Variants in ACTN1 observed in about 807,000 individuals in gnomAD.
ACTN1 encodes actinin alpha 1, also known as alpha-actinin-1.
A neutral mutation model predicts 119.6 loss-of-function variants in ACTN1; 30 were observed. The ratio of observed to expected loss-of-function variants is 0.25; its 90% confidence interval spans 0.19 to 0.34. The LOEUF is 0.34. Among genes scored for constraint, ACTN1 ranks in the 10% least tolerant of loss-of-function variants. ACTN1 has a pLI of 1.00. For missense variants in ACTN1, 764 were observed against 1,223.4 expected (o/e 0.62, Z 5.60); for synonymous variants, 429 against 472.6 (o/e 0.91, Z 1.20).
chr14:68,901,818 G>A lies in ACTN1; in HGVS notation c.762+659C>T, dbSNP rs190842019. Among the ~76,000 whole-genome samples the A allele has an allele frequency of 1.2e-3, 181 of 152,362 alleles. 1 individual carries two copies. The highest frequency in any genetic ancestry group is 1.7e-3 in the Non-Finnish European group (116 of 68,034). The stretch of plus-strand genomic sequence containing the variant: ...GAACTTTAATCTCAGGCCTCCCGGA[G>A]CAAAACTGGGCCAGGACACTTGACG... On this transcript the variant is annotated intron_variant, in intron 8 of 21. Coordinates refer to ENST00000394419, the MANE Select transcript of ACTN1 (RefSeq NM_001130004.2).
At chr14:68,972,265 G>A (rs2036913703) in intron 1 of ACTN1, among the ~76,000 whole-genome samples, 1 of 152,044 alleles carries the variant, frequency 6.6e-6, no homozygotes, top group Non-Finnish European at 1.5e-5. Context: ...TTCTACAAAA[G>A]CTCCCGCCCT....
chr14:68,945,184 A>C (rs2035902896), intron 1 of ACTN1, among the ~76,000 whole-genome samples: 1 of 151,704 alleles, frequency 6.6e-6, no homozygotes. Context: ...AAAAGAAAGA[A>C]AGAAAGAAAG....
At chr14:68,950,680 G>A (rs1196548096) in intron 1 of ACTN1, among the ~76,000 whole-genome samples, 1 of 151,264 alleles carries the variant, frequency 6.6e-6, no homozygotes, top group African/African-American at 2.4e-5. Flanking sequence ...TCCTGCCTCA[G>A]CCTCCCAAGT....
chr14:68,904,499 T>G (rs973259728), intron 7 of ACTN1, among the ~76,000 whole-genome samples, 156 bp downstream of exon 7: 1 of 152,144 alleles, frequency 6.6e-6, no homozygotes, highest in African/African-American at 2.4e-5. Context: ...GATGGAAGAA[T>G]CCCCAAGAGG....
chr14:68,929,470 C>T (rs981748945), intron 1 of ACTN1, among the ~76,000 whole-genome samples: 1 of 152,122 alleles, frequency 6.6e-6, no homozygotes, highest in African/African-American at 2.4e-5. Context: ...CTGCTCAGCC[C>T]GATGAAGCCC....
chr14:68,897,944 C>T (rs966869512), intron 8 of ACTN1, among the ~76,000 whole-genome samples: 2 of 152,272 alleles, frequency 1.3e-5, no homozygotes, highest in African/African-American at 4.8e-5. Context: ...CTGTGGTCAC[C>T]TCCCTCCACA....
At chr14:68,932,748 T>C (rs766791191) in intron 1 of ACTN1, among the ~76,000 whole-genome samples, 1 of 152,020 alleles carries the variant, frequency 6.6e-6, no homozygotes, top group African/African-American at 2.4e-5. Flanking sequence ...GTACTACTGA[T>C]ATTTGGGGTC....
At chr14:68,903,047 A>G (rs1480729025) in intron 7 of ACTN1, among the ~76,000 whole-genome samples, 1 of 152,192 alleles carries the variant, frequency 6.6e-6, no homozygotes, top group Non-Finnish European at 1.5e-5. Flanking sequence ...GACTAAGAAA[A>G]TAACTCTATT....
chr14:68,910,637 A>G (rs2033950597), intron 4 of ACTN1, among the ~76,000 whole-genome samples: 1 of 151,360 alleles, frequency 6.6e-6, no homozygotes, highest in African/African-American at 2.4e-5. Flanking sequence ...CACAGAAGAA[A>G]GACTGCAAAC....
At chr14:68,924,108 A>G (rs2034790479) in intron 2 of ACTN1, among the ~76,000 whole-genome samples, 2 of 152,134 alleles carry the variant, frequency 1.3e-5, no homozygotes, top group African/African-American at 4.8e-5. Context: ...TTGCCAGGGG[A>G]GGGCCGGGGG....
intron 1 of ACTN1, among the ~76,000 whole-genome samples, chr14:68,952,318 C>T (rs986904865): frequency 1.8e-4 from 27 of 152,198 alleles, no homozygotes; most frequent in African/African-American, 5.8e-4. Flanking sequence ...ATGACCCACC[C>T]GGGACCCTGC....
rs1196455060 is a variant in ACTN1 at position 68,950,277 on chromosome 14, A to G, written c.106-24605T>C. On this transcript the variant is annotated intron_variant, in intron 1 of 21. Coordinates refer to ENST00000394419, the MANE Select transcript of ACTN1 (RefSeq NM_001130004.2). ...CCACTGTACTCCCAGTCTGGGTGAC[A>G]GAGTGAGTTGTTGTCTCAAAAAAAA... Among the ~76,000 whole-genome samples the G allele has an allele frequency of 2.3e-5, 3 of 129,838 alleles. No homozygotes were observed. In the Admixed American group the frequency reaches 2.4e-4, roughly 10 times the overall value. 85.2% of individuals were successfully genotyped at this position (129,838 alleles called of 152,430 possible). A position where few individuals can be genotyped will look rare whatever the true frequency, so the allele number is the denominator to read the frequency against.
At position 68,882,920 on chromosome 14, in the gene ACTN1, G is replaced by T; in HGVS notation, c.1771C>A (p.Pro591Thr). 6.2e-7 allele frequency: 1 copy of T among 1,613,994 alleles called. No homozygotes were observed. The highest frequency in any genetic ancestry group is 8.5e-7 in the Non-Finnish European group (1 of 1,179,976). Residue 591 changes from proline to threonine, a missense_variant, in exon 15 of 22, where the codon CCC (proline) becomes ACC (threonine). Coordinates refer to ENST00000394419, the MANE Select transcript of ACTN1 (RefSeq NM_001130004.2). The surrounding 1 kb of genome is among the most constrained non-coding windows in gnomAD (Gnocchi z 4.5). The stretch of plus-strand genomic sequence containing the variant: ...TCCTGAGGCGTGATGGTTGTGTAGG[G>T]GTTGGTGCCCGCCATATTGACGTGG... ...TYHVNMAGTNPYTTITPQEIN... is the reference protein window; with the variant it reads ...TYHVNMAGTNTYTTITPQEIN...
Position 68,892,241 on chromosome 14 carries a change from G to A in ACTN1, c.898C>T (p.Arg300Trp), listed in dbSNP as rs1055623690. ...GCATGCATGGTGTTCTCGGGCACCC[G>A]GTTCTCCAGCCACGGGATTGTGCGG... ...IRRTIPWLENRVPENTMHAMQ... is the reference protein window; with the variant it reads ...IRRTIPWLENWVPENTMHAMQ... The change falls in exon 10 of 22, where the codon CGG (arginine) becomes TGG (tryptophan). Residue 300 changes from arginine (R) to tryptophan (W), a missense_variant. Physicochemically the swap from Arg to Trp is moderately radical, Grantham distance 101 (BLOSUM62 -3). Around this residue, in one of 4 missense-constraint regions of ACTN1, gnomAD observed 544 missense variants for 912.0 expected, o/e 0.60. Coordinates refer to ENST00000394419, the MANE Select transcript of ACTN1 (RefSeq NM_001130004.2). The A allele has an allele frequency of 4.3e-6, 7 of 1,614,024 alleles. No homozygotes were observed. The highest frequency in any genetic ancestry group is 3.3e-4 in the Middle Eastern group (2 of 6,060).
chr14:68,946,928 G>A (rs2035964571), intron 1 of ACTN1, among the ~76,000 whole-genome samples: 1 of 152,170 alleles, frequency 6.6e-6, no homozygotes, highest in African/African-American at 2.4e-5. Context: ...ACCACAAGGA[G>A]CTCAGGGCCT....
At chr14:68,920,893 T>A in intron 3 of ACTN1, 113 bp downstream of exon 3, 3 of 1,417,584 alleles carry the variant, frequency 2.1e-6, no homozygotes, top group Non-Finnish European at 2.9e-6. Context: ...GGGGACCCAC[T>A]GCCCAATGCC....
chr14:68,916,127 A>C (rs1454610609), intron 3 of ACTN1, among the ~76,000 whole-genome samples: 1 of 152,256 alleles, frequency 6.6e-6, no homozygotes, highest in Non-Finnish European at 1.5e-5. Flanking sequence ...AAATTTCATA[A>C]ACAGTGTTTA....
At chr14:68,916,548 T>TC (rs1027129002) in intron 3 of ACTN1, among the ~76,000 whole-genome samples, 28 of 152,280 alleles carry the variant, frequency 1.8e-4, no homozygotes, top group African/African-American at 6.7e-4. Flanking sequence ...CAGCCCCAGT[T>TC]CCCACCTGAC....
intron 11 of ACTN1, 51 bp downstream of exon 11, chr14:68,890,088 G>A (rs1261066928): frequency 1.7e-5 from 27 of 1,595,348 alleles, no homozygotes; most frequent in Non-Finnish European, 2.3e-5. Context: ...CTGGGCTGAA[G>A]AGTAGGGAAG....
Sources: gnomAD v4.1 joint callset for allele counts (sites outside exome capture counted in the v4.1 genomes callset) on GRCh38, gnomAD v4.1.1 for gene constraint, gnomAD v4.1.1 regional missense constraint, Gnocchi (gnomAD v3.1) non-coding constraint, MANE v1.5 for transcripts, NCBI Gene and HGNC (gene_info 2026-07-23, HGNC 2026-07-21) for gene names.